The following LARS2 variants were observed in gnomAD, a reference collection of about 807,000 sequenced individuals.
LARS2 encodes leucine--tRNA ligase, mitochondrial.
Under a neutral mutation model 116.6 loss-of-function variants are expected in LARS2, and 81 were observed. The observed-to-expected ratio is 0.69, with a 90% CI of 0.58 to 0.84. The LOEUF (loss-of-function observed/expected upper bound fraction) is 0.84. LARS2 is among the 40% of genes least tolerant of loss of function. The pLI is 0.00. For synonymous variants in LARS2, 396 were observed against 407.2 expected (o/e 0.97, Z 0.33); for missense variants, 968 against 1,114.5 (o/e 0.87, Z 1.87).
At chr3:45,459,576 A>C (rs1474108158) in intron 8 of LARS2, among the ~76,000 whole-genome samples, 3 of 152,236 alleles carry the variant, frequency 2.0e-5, no homozygotes, top group African/African-American at 7.2e-5. Context: ...GATTCAAGGC[A>C]AAACCAATCA....
rs527331412 is a variant in LARS2, at chr3:45,513,313, G to A, written c.1861+78G>A. On this transcript the variant is annotated intron_variant, in intron 16 of 21. Coordinates refer to ENST00000645846, the MANE Select transcript of LARS2 (RefSeq NM_015340.4). ...GGCCTGAGAGCTACTGAGCAAGCAG[G>A]CATCTGCCTCTAGAGTGGGGAGGAT... The A allele has an allele frequency of 1.5e-5, 14 of 952,832 alleles. No individual in the cohort carries two copies. In the East Asian group the frequency reaches 1.7e-4, roughly 11 times the overall value. 59.0% of individuals were successfully genotyped at this position (952,832 alleles called of 1,614,324 possible).
intron 6 of LARS2, among the ~76,000 whole-genome samples, chr3:45,440,881 T>G (rs1247155417): frequency 1.3e-5 from 2 of 152,094 alleles, no homozygotes; most frequent in Admixed American, 1.3e-4. Context: ...AAGCCAATAT[T>G]TGTTAAGGAG....
intron 1 of LARS2, among the ~76,000 whole-genome samples, 171 bp from the exon 2 acceptor site, chr3:45,391,412 G>C (rs779679742): frequency 1.3e-5 from 2 of 151,278 alleles, no homozygotes; most frequent in South Asian, 2.1e-4. Context: ...TTGAACCCGG[G>C]AGGCGGAGGT....
chr3:45,471,433 A>T (rs1699524137), intron 8 of LARS2, among the ~76,000 whole-genome samples: 1 of 152,232 alleles, frequency 6.6e-6, no homozygotes, highest in Non-Finnish European at 1.5e-5. Context: ...TTCACATTTC[A>T]TCCTATTTGA....
chr3:45,416,934 T>G (rs1408758385), intron 4 of LARS2, among the ~76,000 whole-genome samples: 1 of 151,420 alleles, frequency 6.6e-6, no homozygotes, highest in Non-Finnish European at 1.5e-5. Flanking sequence ...ATTAGCTGGG[T>G]GTGGTGGCGT....
chr3:45,508,018 T>C (rs898630543), intron 15 of LARS2, among the ~76,000 whole-genome samples: 10 of 152,074 alleles, frequency 6.6e-5, no homozygotes, highest in Admixed American at 2.0e-4. Context: ...GAACATGTCA[T>C]GGCCCATCTT....
chr3:45,403,139 G>A (rs1303404413), intron 4 of LARS2, among the ~76,000 whole-genome samples: 1 of 143,476 alleles, frequency 7.0e-6, no homozygotes. Flanking sequence ...AAAGAAAGAT[G>A]TGGGACAGAA....
At chr3:45,453,503 T>C (rs539133990) in intron 7 of LARS2, among the ~76,000 whole-genome samples, 1 of 152,354 alleles carries the variant, frequency 6.6e-6, no homozygotes, top group Admixed American at 6.5e-5. Context: ...TTGGTAAAGC[T>C]AAGTTTGCAG....
At chr3:45,493,193 G>C (rs543467475) in intron 13 of LARS2, among the ~76,000 whole-genome samples, 1 of 151,868 alleles carries the variant, frequency 6.6e-6, no homozygotes, top group African/African-American at 2.4e-5. Context: ...TCCACCTCCC[G>C]CGTTCACACC....
At chr3:45,545,344 GGA>G (rs755537814) in intron 21 of LARS2, among the ~76,000 whole-genome samples, 2 of 152,224 alleles carry the variant, frequency 1.3e-5, no homozygotes, top group African/African-American at 2.4e-5. Context: ...GAAAAGTCCA[GGA>G]GAGTCATGCT....
At chr3:45,432,302 C>G (rs1698730930) in intron 6 of LARS2, among the ~76,000 whole-genome samples, 1 of 152,044 alleles carries the variant, frequency 6.6e-6, no homozygotes, top group Admixed American at 6.5e-5. Context: ...AATAAACAAA[C>G]TAGGTCTAAC....
intron 14 of LARS2, 40 bp downstream of exon 14, chr3:45,496,413 G>A: frequency 1.4e-6 from 2 of 1,445,252 alleles, no homozygotes; most frequent in Non-Finnish European, 1.9e-6. Context: ...ATTTGTCAGT[G>A]TGGCTCCTCC....
chr3:45,395,475 C>T (rs910401210), intron 3 of LARS2, among the ~76,000 whole-genome samples: 4 of 152,232 alleles, frequency 2.6e-5, no homozygotes, highest in Admixed American at 6.5e-5. Context: ...TTAACCCTTA[C>T]CTCTTGATAC....
At chr3:45,428,453 G>A (rs1698636297) in intron 6 of LARS2, among the ~76,000 whole-genome samples, 3 of 151,250 alleles carry the variant, frequency 2.0e-5, no homozygotes, top group African/African-American at 4.9e-5. Context: ...CACCGTGTTA[G>A]CCAGGATGGT....
chr3:45,413,481 C>T (rs995914502), intron 4 of LARS2, among the ~76,000 whole-genome samples: 2 of 152,174 alleles, frequency 1.3e-5, no homozygotes, highest in Non-Finnish European at 2.9e-5. Context: ...CTTTCAGTTA[C>T]CATTTATAGT....
At chr3:45,545,752 A>G (rs899917126) in intron 21 of LARS2, among the ~76,000 whole-genome samples, 1 of 152,222 alleles carries the variant, frequency 6.6e-6, no homozygotes, top group Non-Finnish European at 1.5e-5. Context: ...ACTTAGGACC[A>G]GCCTGCCCGG....
chr3:45,481,912 A>T (rs1699709814), intron 10 of LARS2, among the ~76,000 whole-genome samples: 1 of 152,122 alleles, frequency 6.6e-6, no homozygotes, highest in African/African-American at 2.4e-5. Flanking sequence ...CTAAAACGCT[A>T]TTGCCTAATA....
At chr3:45,500,729 G>T (rs1480213587) in intron 15 of LARS2, 150 bp downstream of exon 15, 1 of 598,158 alleles carries the variant, frequency 1.7e-6, no homozygotes, top group African/African-American at 2.0e-5. Context: ...ATCATTTGAG[G>T]TCCATTTATA....
chr3:45,463,467 C>T (rs1699368419), intron 8 of LARS2, among the ~76,000 whole-genome samples: 1 of 152,224 alleles, frequency 6.6e-6, no homozygotes, highest in Non-Finnish European at 1.5e-5. Context: ...CTGATTATCT[C>T]AGATCAGGGC....
Sources: gnomAD v4.1 joint callset for allele counts (sites outside exome capture counted in the v4.1 genomes callset) on GRCh38, gnomAD v4.1.1 for gene constraint, MANE v1.5 for transcripts, NCBI Gene and HGNC (gene_info 2026-07-23, HGNC 2026-07-21) for gene names.